Variants in HGS observed in about 807,000 individuals in gnomAD.
HGS encodes the protein human growth factor-regulated tyrosine kinase substrate.
Under a neutral mutation model 109.7 loss-of-function variants are expected in HGS, and 63 were observed. The ratio of observed to expected loss-of-function variants is 0.57; its 90% CI spans 0.47 to 0.71. The LOEUF (loss-of-function observed/expected upper bound fraction) is 0.71. Ranked by LOEUF, HGS falls within the 30% of genes least tolerant of loss-of-function variation. The pLI, the probability that HGS is intolerant of heterozygous loss-of-function variation, is 0.00. For synonymous variants in HGS, 546 were observed against 437.3 expected, an observed-to-expected ratio of 1.25 and a Z score of -3.10; for missense variants, 995 against 1,068.3, an observed-to-expected ratio of 0.93 and a Z score of 0.96.
In HGS at chr17:81,694,842, A is replaced by G. The variant is rs746224220; in HGVS notation, c.964A>G (p.Ile322Val). The G allele has an allele frequency of 1.2e-6, 2 of 1,614,108 alleles. No individual in the cohort carries two copies. The highest frequency in any genetic ancestry group is 2.7e-5 in the African/African-American group (2 of 74,942). Residue 322 changes from isoleucine (I) to valine (V), a missense_variant, in exon 12 of 22, where the codon ATC becomes GTC. Around this residue, in one of 6 missense-constraint regions of HGS, gnomAD observed 300 missense variants for 235.4 expected, o/e 1.27. Transcript: ENST00000329138. Reference sequence around the variant, plus strand: ...CTCGTCGGCGCCTCTGGCTGAGGACATCGACCCTGAGGTAAGGCCCAGCAT... The same window carrying G: ...CTCGTCGGCGCCTCTGGCTGAGGACGTCGACCCTGAGGTAAGGCCCAGCAT... ...VNSSAPLAED[I>V]DPELARYLNR...
chr17:81,701,646 C>T lies in HGS; in HGVS notation c.*28C>T, dbSNP rs1200291749. The T allele has an allele frequency of 7.8e-6, 12 of 1,532,702 alleles. No homozygotes were observed. Among genetic ancestry groups the T allele is most frequent in the Admixed American group, 1.9e-5 (1 of 51,540 alleles). 94.9% of individuals were successfully genotyped at this position (1,532,702 alleles called of 1,614,324 possible). A position where few individuals can be genotyped will look rare whatever the true frequency, so the allele number is the denominator to read the frequency against. The stretch of plus-strand genomic sequence containing the variant: ...CAGGCCATGCTCACGTCCGGAGTAA[C>T]ACTACATACAGTTCACCTGAAACGC... On this transcript the variant is annotated 3_prime_UTR_variant, in exon 22 of 22. Coordinates refer to ENST00000329138, the MANE Select transcript of HGS (RefSeq NM_004712.5).
Position 81,696,825 on chromosome 17 carries a change from T to A in HGS, c.1709T>A (p.Leu570His), listed in dbSNP as rs750482936. ...CACCGCTGTCTCTTTTGTCCCCAGC[T>A]CCAGGCCATGCCCGCAGCCGGAGGT... ...MPAFPLPYAQ[L>H]QAMPAAGGVL... The change falls in exon 18 of 22, where the codon CTC (leucine) becomes CAC (histidine). Residue 570 changes from leucine (L) to histidine (H), a missense_variant and splice_region_variant. Leu to His is a moderately conservative substitution (Grantham distance 99). Transcript: ENST00000329138. The A allele has an allele frequency of 2.5e-6, 4 of 1,608,494 alleles. No homozygotes were observed. Among genetic ancestry groups the A allele is most frequent in the Non-Finnish European group, 2.5e-6 (3 of 1,177,364 alleles).
chr17:81,686,851 G>A (rs1217854645), intron 3 of HGS, 152 bp from the exon 4 acceptor site: 7 of 627,110 alleles, frequency 1.1e-5, no homozygotes, highest in East Asian at 2.8e-5. Context: ...CGGGCCTGTC[G>A]AAGGGCTCTG....
intron 21 of HGS, 158 bp from the exon 22 acceptor site, chr17:81,701,350 C>T (rs781740994): frequency 1.1e-6 from 1 of 899,954 alleles, no homozygotes; most frequent in Non-Finnish European, 1.7e-6. Flanking sequence ...CGTGAATTTA[C>T]TTGAAAGGCA....
chr17:81,690,088 T>C (rs1598745390), intron 5 of HGS, 94 bp from the exon 6 acceptor site: 1 of 1,382,318 alleles, frequency 7.2e-7, no homozygotes, highest in African/African-American at 1.4e-5. Flanking sequence ...GCACGGTCAC[T>C]GCTGCGTTGC....
chr17:81,701,707 C>G lies in HGS; in HGVS notation c.*89C>G, dbSNP rs1256447031. 2.7e-6 allele frequency: 4 copies of G among 1,483,464 alleles called. No individual in the cohort carries two copies. The African/African-American group carries it at 5.5e-5, about 21-fold the overall frequency. The allele number at this position is 1,483,464 out of a possible 1,614,324, so 91.9% of individuals were successfully genotyped here. On this transcript the variant is annotated 3_prime_UTR_variant, in exon 22 of 22. Transcript: ENST00000329138. ...ACTGCCGTCGTCCTGCCTCCCTGTC[C>G]TCTACTGCCGGTAGTGTCCCTTCTC... is the stretch of plus-strand genomic sequence containing the variant.
rs975167180 is a variant in HGS, at chr17:81,684,207, C to G, written c.37+104C>G. ...GGCCCGAGGGGCGCGGACCGGCCGCCCTGCCCGCCTCTCCCCGGCCCGCTG... is the reference window on the plus strand; with the variant it reads ...GGCCCGAGGGGCGCGGACCGGCCGCGCTGCCCGCCTCTCCCCGGCCCGCTG... On this transcript the variant is annotated intron_variant, in intron 1 of 21. Transcript: ENST00000329138. 5 of 1,061,304 alleles carry G rather than the reference C, an allele frequency of 4.7e-6. No homozygotes were observed. In the African/African-American group the frequency reaches 5.0e-5, roughly 11 times the overall value. The allele number at this position is 1,061,304 out of a possible 1,614,324, so 65.7% of individuals were successfully genotyped here.
At chr17:81,700,655 G>GCCCCAT in intron 19 of HGS, 40 bp from the exon 20 acceptor site, 2 of 1,039,932 alleles carry the variant, frequency 1.9e-6, no homozygotes, top group East Asian at 3.1e-5. Flanking sequence ...CCCAGCCCCA[G>GCCCCAT]CCCCAGCCCC....
rs963493065 is a variant in HGS, at chr17:81,691,767, GAGAC to G, written c.662+199_662+202del. On this transcript the variant is annotated intron_variant, in intron 8 of 21. Coordinates refer to ENST00000329138, the MANE Select transcript of HGS (RefSeq NM_004712.5). This position sits in a 1 kb window ranked among gnomAD's most constrained non-coding sequence, Gnocchi z 5.3. ...CCCACACTAGGGCAGGTGGGTGTGAGAGACAGGGCGCCGCGGCTCCAGGGACCGA... is the reference window on the plus strand; with the variant it reads ...CCCACACTAGGGCAGGTGGGTGTGAGAGGGCGCCGCGGCTCCAGGGACCGA... The G allele has an allele frequency of 8.3e-6, 5 of 600,694 alleles. No individual in the cohort carries two copies. The highest frequency in any genetic ancestry group is 7.4e-5 in the African/African-American group (4 of 53,946). The allele number at this position is 600,694 out of a possible 1,614,324, so 37.2% of individuals were successfully genotyped here. A position where few individuals can be genotyped will look rare whatever the true frequency, so the allele number is the denominator to read the frequency against.
chr17:81,690,574 C>A, intron 6 of HGS, 100 bp from the exon 7 acceptor site: 1 of 1,188,420 alleles, frequency 8.4e-7, no homozygotes, highest in Non-Finnish European at 1.2e-6. Flanking sequence ...GTGCTGGGGT[C>A]CTCTCTGGGT....
chr17:81,689,682 G>C (rs1053880037), intron 5 of HGS, among the ~76,000 whole-genome samples: 3 of 152,216 alleles, frequency 2.0e-5, no homozygotes, highest in African/African-American at 7.2e-5. Context: ...GGCAGGACCA[G>C]TGTGGAGAAC....
At chr17:81,697,349 G>GCCCCCCCCCCCCC (rs59387473) in intron 18 of HGS, 2 of 61,802 alleles carry the variant, frequency 3.2e-5, no homozygotes, top group African/African-American at 1.5e-4. Context: ...CGTGGCATTT[G>GCCCCCCCCCCCCC]CCCCCCCCCC....
chr17:81,694,478 C>T (rs2037113841), intron 11 of HGS, among the ~76,000 whole-genome samples: 1 of 152,234 alleles, frequency 6.6e-6, no homozygotes, highest in Non-Finnish European at 1.5e-5. Flanking sequence ...TTCTTCCCTT[C>T]CTTCCGGGCT....
chr17:81,684,018 C>A lies in HGS; in HGVS notation c.-49C>A, dbSNP rs114274845. The A allele has an allele frequency of 6.4e-6, 10 of 1,569,056 alleles. No homozygotes were observed. Among genetic ancestry groups the A allele is most frequent in the Non-Finnish European group, 8.6e-6 (10 of 1,161,294 alleles). On this transcript the variant is annotated 5_prime_UTR_variant, in exon 1 of 22. Coordinates refer to ENST00000329138, the MANE Select transcript of HGS (RefSeq NM_004712.5). ...AAGCGGAAGTCGGGGGGCGCGCCAG[C>A]TCGTAGCAGGGGAGCGCCCGCGGCG...
Position 81,696,452 on chromosome 17 carries a change from C to A in HGS, c.1489C>A (p.Arg497=). ...LREEHREKLR[R]AAEEAERQRQ... ...CGAAGAGCACCGGGAGAAGCTTCGCCGGGCAGCCGAGGAGGCAGAGCGCCA... is the reference window on the plus strand; with the variant it reads ...CGAAGAGCACCGGGAGAAGCTTCGCAGGGCAGCCGAGGAGGCAGAGCGCCA... Residue 497 remains arginine (R), a synonymous_variant, in exon 16 of 22, where the codon CGG becomes AGG. Transcript: ENST00000329138. 6.5e-7 allele frequency: 1 copy of A among 1,545,180 alleles called. No homozygotes were observed. Among genetic ancestry groups the A allele is most frequent in the East Asian group, 2.3e-5 (1 of 43,382 alleles).
chr17:81,684,227 C>G, intron 1 of HGS, 124 bp downstream of exon 1: 1 of 901,268 alleles, frequency 1.1e-6, no homozygotes, highest in Non-Finnish European at 1.5e-6. Flanking sequence ...TCTCCCCGGC[C>G]CGCTGTCCTC....
intron 18 of HGS, among the ~76,000 whole-genome samples, chr17:81,700,082 C>T (rs537708093): frequency 6.8e-6 from 1 of 147,526 alleles, no homozygotes; most frequent in South Asian, 2.2e-4. Flanking sequence ...AAAAGTAAAA[C>T]TCGGCCGGGC....
In HGS at chr17:81,701,520, G is replaced by C; in HGVS notation, c.2236G>C (p.Gly746Arg). ...QPMYQQMAPSGGPPQQQPPVA... is the reference protein window; with the variant it reads ...QPMYQQMAPSRGPPQQQPPVA... ...TCCTCCTGCACAGATGGCACCCTCT[G>C]GCGGTCCCCCCCAGCAGCAGCCCCC... The change falls in exon 22 of 22, where the codon GGC (glycine) becomes CGC (arginine). Residue 746 changes from glycine (G) to arginine (R), a missense_variant. By Grantham distance (125) the Gly-to-Arg change is moderately radical. Coordinates refer to ENST00000329138, the MANE Select transcript of HGS (RefSeq NM_004712.5). 6 of 1,558,930 alleles carry C rather than the reference G, an allele frequency of 3.8e-6. No homozygotes were observed. The highest frequency in any genetic ancestry group is 5.2e-6 in the Non-Finnish European group (6 of 1,158,990).
At chr17:81,695,372 G>A (rs2144499411) in intron 14 of HGS, 149 bp downstream of exon 14, 1 of 778,308 alleles carries the variant, frequency 1.3e-6, no homozygotes, top group South Asian at 1.7e-5. Flanking sequence ...GCCCTGCCCT[G>A]CCCTTTGTGG....
Sources: gnomAD v4.1 joint callset for allele counts (sites outside exome capture counted in the v4.1 genomes callset) on GRCh38, gnomAD v4.1.1 for gene constraint, gnomAD v4.1.1 regional missense constraint, Gnocchi (gnomAD v3.1) non-coding constraint, MANE v1.5 for transcripts, NCBI Gene and HGNC (gene_info 2026-07-23, HGNC 2026-07-21) for gene names.